Variants in TAF2 observed in about 807,000 individuals in gnomAD.
TAF2 encodes transcription initiation factor TFIID subunit 2.
Under a neutral mutation model 138.5 loss-of-function variants are expected in TAF2, and 61 were observed. That is an observed-to-expected ratio of 0.44 (90% CI 0.36 to 0.54). TAF2 has a LOEUF of 0.54. Ranked by LOEUF, TAF2 falls within the 20% of genes least tolerant of loss-of-function variation. The probability of loss-of-function intolerance (pLI) is 0.00; values close to 1 mark genes in which losing one functional copy is unlikely to be tolerated. For synonymous variants in TAF2, 475 were observed against 469.9 expected, an observed-to-expected ratio of 1.01 and a Z score of -0.14; for missense variants, 1,090 against 1,427.9, an observed-to-expected ratio of 0.76 and a Z score of 3.81.
chr8:119,819,383 C>A lies in TAF2; in HGVS notation c.262G>T (p.Asp88Tyr). The A allele has an allele frequency of 1.2e-6, 2 of 1,612,980 alleles. No individual in the cohort carries two copies. The highest frequency in any genetic ancestry group is 2.2e-5 in the South Asian group (2 of 91,022). ...NDLEAAFIYN[D>Y]PTLEVCHSES... ...CTGTGACAAACTTCCAAGGTTGGGTCATTATAAATAAAAGCAGCCTCTAAA... is the reference window on the plus strand; with the variant it reads ...CTGTGACAAACTTCCAAGGTTGGGTAATTATAAATAAAAGCAGCCTCTAAA... The change falls in exon 3 of 26, where the codon GAC (aspartate) becomes TAC (tyrosine). Residue 88 changes from aspartate to tyrosine, a missense_variant. Asp to Tyr is a radical substitution (Grantham distance 160). Coordinates refer to ENST00000378164, the MANE Select transcript of TAF2 (RefSeq NM_003184.4).
At chr8:119,823,461 G>A (rs749532387) in intron 2 of TAF2, among the ~76,000 whole-genome samples, 7 of 151,382 alleles carry the variant, frequency 4.6e-5, no homozygotes, top group Admixed American at 6.6e-5. Flanking sequence ...TTTGAAAAAC[G>A]GGAATTTTTC....
At chr8:119,737,452 T>C (rs1032954948) in intron 25 of TAF2, among the ~76,000 whole-genome samples, 3 of 151,890 alleles carry the variant, frequency 2.0e-5, no homozygotes, top group East Asian at 3.8e-4. Flanking sequence ...AGGGGCCTCA[T>C]TATACTTGTC....
intron 18 of TAF2, among the ~76,000 whole-genome samples, chr8:119,770,318 G>T (rs1286826337): frequency 6.6e-6 from 1 of 151,932 alleles, no homozygotes; most frequent in Non-Finnish European, 1.5e-5. Flanking sequence ...GACCACCCAA[G>T]GCCAACATAA....
At chr8:119,777,784 G>A (rs751869131) in intron 18 of TAF2, among the ~76,000 whole-genome samples, 1 of 152,150 alleles carries the variant, frequency 6.6e-6, no homozygotes, top group African/African-American at 2.4e-5. Context: ...CAAGAGGTTT[G>A]AAGAACATTT....
chr8:119,778,772 T>C (rs535263511), intron 17 of TAF2, among the ~76,000 whole-genome samples: 9 of 152,348 alleles, frequency 5.9e-5, no homozygotes, highest in East Asian at 1.9e-4. Context: ...CAAATTTTCA[T>C]AGGCAACATT....
At chr8:119,814,686 G>C (rs563971235) in intron 3 of TAF2, among the ~76,000 whole-genome samples, 1 of 139,278 alleles carries the variant, frequency 7.2e-6, no homozygotes, top group Non-Finnish European at 1.5e-5. Flanking sequence ...GAGGTCAGGA[G>C]TTCGAGACCA....
At chr8:119,797,634 G>C in intron 7 of TAF2, 28 bp downstream of exon 7, 1 of 1,599,234 alleles carries the variant, frequency 6.3e-7, no homozygotes, top group Non-Finnish European at 8.6e-7. Context: ...TCTTAATTTA[G>C]GCATTTCAAA....
intron 18 of TAF2, among the ~76,000 whole-genome samples, chr8:119,764,731 G>A (rs1332296950): frequency 1.3e-5 from 2 of 151,986 alleles, no homozygotes; most frequent in African/African-American, 4.8e-5. Context: ...GAAGTATAAA[G>A]GAATTAAATT....
intron 18 of TAF2, among the ~76,000 whole-genome samples, chr8:119,767,980 A>C (rs1821556775): frequency 6.6e-6 from 1 of 152,172 alleles, no homozygotes; most frequent in Admixed American, 6.5e-5. Context: ...GCACGTTTGC[A>C]TGTCCCCAAC....
rs549765867 is a variant in TAF2, at chr8:119,817,294, C to T, written c.299+2052G>A. Among the ~76,000 whole-genome samples, 27 of 152,210 alleles carry T rather than the reference C, an allele frequency of 1.8e-4. No individual in the cohort carries two copies. In the East Asian group the frequency reaches 4.1e-3, roughly 23 times the overall value. ...CAGCAGGAGGTGAGTAGCGGGTGAGCAAGCATTACCTTCTGAGCTTTGCCT... is the reference window on the plus strand; with the variant it reads ...CAGCAGGAGGTGAGTAGCGGGTGAGTAAGCATTACCTTCTGAGCTTTGCCT... On this transcript the variant is annotated intron_variant, in intron 3 of 25. Coordinates refer to ENST00000378164, the MANE Select transcript of TAF2 (RefSeq NM_003184.4).
chr8:119,774,157 C>A (rs556722118), intron 18 of TAF2, among the ~76,000 whole-genome samples: 1 of 150,700 alleles, frequency 6.6e-6, no homozygotes, highest in Non-Finnish European at 1.5e-5. Flanking sequence ...GGGGACAGAG[C>A]GAGACTCCAT....
intron 9 of TAF2, among the ~76,000 whole-genome samples, chr8:119,794,798 T>G (rs1480150897): frequency 6.6e-6 from 1 of 152,190 alleles, no homozygotes; most frequent in African/African-American, 2.4e-5. Flanking sequence ...CTCTAGGTGT[T>G]TGAAGTCTTC....
intron 3 of TAF2, among the ~76,000 whole-genome samples, chr8:119,818,732 C>CCACACACA (rs199991010): frequency 0.018 from 2,024 of 110,840 alleles, 28 homozygotes; most frequent in South Asian, 0.081. Flanking sequence ...AAAATGAAGT[C>CCACACACA]CACACACACA....
At position 119,753,292 on chromosome 8, in the gene TAF2, C is replaced by T. The variant is rs536792922; in HGVS notation, c.2878+2714G>A. On this transcript the variant is annotated intron_variant, in intron 22 of 25. Transcript: ENST00000378164. ...AGTTTTTTTCAGATAAACTCTGTAA[C>T]ATGATTATATTACTTTTGCCATTAA... Among the ~76,000 whole-genome samples the T allele has an allele frequency of 3.9e-5, 6 of 152,012 alleles. No individual in the cohort carries two copies. In the South Asian group the frequency reaches 1.2e-3, roughly 32 times the overall value.
At chr8:119,832,140 C>T (rs1280325606) in intron 1 of TAF2, among the ~76,000 whole-genome samples, 1 of 151,534 alleles carries the variant, frequency 6.6e-6, no homozygotes, top group Non-Finnish European at 1.5e-5. Context: ...GCCTGGGCGA[C>T]TGAGAGACTC....
chr8:119,753,869 C>A (rs1820518663), intron 22 of TAF2, among the ~76,000 whole-genome samples: 1 of 152,118 alleles, frequency 6.6e-6, no homozygotes, highest in East Asian at 1.9e-4. Flanking sequence ...GTATTCAATA[C>A]AGCAGAGTGA....
chr8:119,746,658 C>T (rs1168790499), intron 23 of TAF2, 47 bp downstream of exon 23: 4 of 1,572,712 alleles, frequency 2.5e-6, no homozygotes, highest in Non-Finnish European at 3.5e-6. Context: ...TTCTCTAGAT[C>T]CTCTATATAA....
intron 25 of TAF2, among the ~76,000 whole-genome samples, chr8:119,734,396 C>T (rs1819081050): frequency 6.6e-6 from 1 of 152,066 alleles, no homozygotes; most frequent in South Asian, 2.1e-4. Context: ...AAACCAGCCC[C>T]CAAATCATGG....
At chr8:119,767,200 T>C (rs534432079) in intron 18 of TAF2, 1 of 152,340 alleles carries the variant, frequency 6.6e-6, no homozygotes, top group South Asian at 2.1e-4. Context: ...ACACTGAGGT[T>C]CCGGTTCAAG....
Sources: gnomAD v4.1 joint callset for allele counts (sites outside exome capture counted in the v4.1 genomes callset) on GRCh38, gnomAD v4.1.1 for gene constraint, MANE v1.5 for transcripts, NCBI Gene and HGNC (gene_info 2026-07-23, HGNC 2026-07-21) for gene names.